The following CADPS variants were observed in gnomAD, a reference collection of about 807,000 sequenced individuals.
CADPS encodes calcium dependent secretion activator.
A neutral mutation model predicts 167.3 loss-of-function variants in CADPS; 57 were observed. The ratio of observed to expected loss-of-function variants is 0.34; its 90% confidence interval spans 0.28 to 0.42. The LOEUF is 0.42. Ranked by LOEUF, CADPS falls within the 20% of genes least tolerant of loss-of-function variation. The probability of loss-of-function intolerance (pLI) is 1.00; values close to 1 mark genes in which losing one functional copy is unlikely to be tolerated. For synonymous variants in CADPS, 676 were observed against 635.3 expected, an observed-to-expected ratio of 1.06 and a Z score of -0.96; for missense variants, 1,414 against 1,738.1, an observed-to-expected ratio of 0.81 and a Z score of 3.32.
At chr3:62,781,873 G>A (rs1044099768) in intron 1 of CADPS, among the ~76,000 whole-genome samples, 2 of 152,212 alleles carry the variant, frequency 1.3e-5, no homozygotes, top group Non-Finnish European at 2.9e-5. Context: ...ACCACAGCAG[G>A]CCTTACAGCC....
intron 28 of CADPS, 24 bp from the exon 29 acceptor site, chr3:62,403,209 C>A (rs1210793925): frequency 6.7e-7 from 1 of 1,491,336 alleles, no homozygotes; most frequent in Non-Finnish European, 9.4e-7. Context: ...CAAAAGTTCT[C>A]CAGCCAACAC....
At chr3:62,667,145 C>T (rs1490562799) in intron 3 of CADPS, among the ~76,000 whole-genome samples, 1 of 151,114 alleles carries the variant, frequency 6.6e-6, no homozygotes, top group Non-Finnish European at 1.5e-5. Context: ...AGATACCTAC[C>T]CTGGCATGTT....
At chr3:62,839,197 T>C (rs943798401) in intron 1 of CADPS, among the ~76,000 whole-genome samples, 4 of 151,888 alleles carry the variant, frequency 2.6e-5, no homozygotes, top group Admixed American at 2.6e-4. Context: ...AGGGACTATT[T>C]TGTTGTTGTT....
rs1393599682 is a variant in CADPS at position 62,573,444 on chromosome 3, A to C, written c.1578-2506T>G. Among the ~76,000 whole-genome samples, 7 of 152,296 alleles carry C rather than the reference A, an allele frequency of 4.6e-5. No individual in the cohort carries two copies. In the East Asian group the frequency reaches 1.3e-3, roughly 29 times the overall value. On this transcript the variant is annotated intron_variant, in intron 8 of 29. Transcript: ENST00000383710. ...TATCATTAAAACCATCTTGTGCACT[A>C]TCAGTGCCATGAATGCACTTGGGAA...
intron 26 of CADPS, among the ~76,000 whole-genome samples, chr3:62,448,757 G>A (rs913723334): frequency 6.6e-6 from 1 of 151,986 alleles, no homozygotes; most frequent in Admixed American, 6.6e-5. Flanking sequence ...GGGATTACAG[G>A]CACCCACCAC....
chr3:62,512,309 C>A (rs1448666074), intron 17 of CADPS, among the ~76,000 whole-genome samples: 1 of 152,078 alleles, frequency 6.6e-6, no homozygotes, highest in African/African-American at 2.4e-5. Context: ...GCGATACATA[C>A]AAGAACAACA....
At chr3:62,442,613 CT>C (rs769516633) in intron 27 of CADPS, among the ~76,000 whole-genome samples, 104 of 152,270 alleles carry the variant, frequency 6.8e-4, no homozygotes, top group Non-Finnish European at 1.4e-3. Flanking sequence ...CCCATCAAGG[CT>C]AATTTTGAGC....
intron 1 of CADPS, among the ~76,000 whole-genome samples, chr3:62,843,925 T>C (rs879465670): frequency 6.6e-6 from 1 of 152,056 alleles, no homozygotes; most frequent in Non-Finnish European, 1.5e-5. Context: ...TGTAAAAAGA[T>C]CAATACTTTA....
chr3:62,544,334 T>C lies in CADPS; in HGVS notation c.1966+5569A>G, dbSNP rs1312560317. ...TCTAGTCTTGCTCAGTTAACAACTCTGGGTTTCCTACCCCACTTATTTTTT... is the reference window on the plus strand; with the variant it reads ...TCTAGTCTTGCTCAGTTAACAACTCCGGGTTTCCTACCCCACTTATTTTTT... On this transcript the variant is annotated intron_variant, in intron 11 of 29. Transcript: ENST00000383710. This position sits in a 1 kb window ranked among gnomAD's most constrained non-coding sequence, Gnocchi z 4.4. 6.6e-6 allele frequency among the ~76,000 whole-genome samples: 1 copy of C among 152,178 alleles called. No individual in the cohort carries two copies. The highest frequency in any genetic ancestry group is 1.5e-5 in the Non-Finnish European group (1 of 68,018).
chr3:62,765,795 C>G (rs139304403), intron 2 of CADPS, 76 bp downstream of exon 2: 2 of 854,896 alleles, frequency 2.3e-6, no homozygotes, highest in African/African-American at 1.7e-5. Context: ...ACGACTGTCC[C>G]CATTGCCCTG....
chr3:62,861,432 T>G (rs2080784469), intron 1 of CADPS, among the ~76,000 whole-genome samples: 1 of 152,196 alleles, frequency 6.6e-6, no homozygotes, highest in Non-Finnish European at 1.5e-5. Flanking sequence ...GATCAACAAT[T>G]GCTGTAGGGA....
intron 3 of CADPS, among the ~76,000 whole-genome samples, chr3:62,721,075 C>T (rs370073968): frequency 1.4e-5 from 2 of 146,724 alleles, no homozygotes; most frequent in East Asian, 3.9e-4. Context: ...CCTTGGCCTC[C>T]CAAAGTGCTG....
chr3:62,709,622 G>A (rs1216597243), intron 3 of CADPS, among the ~76,000 whole-genome samples: 1 of 152,000 alleles, frequency 6.6e-6, no homozygotes, highest in Non-Finnish European at 1.5e-5. Flanking sequence ...GTTCCCTTAA[G>A]CAGATTCCTG....
chr3:62,512,615 A>T, intron 17 of CADPS, 136 bp downstream of exon 17: 1 of 546,308 alleles, frequency 1.8e-6, no homozygotes, highest in Non-Finnish European at 3.3e-6. Flanking sequence ...AGCACAAATT[A>T]ACTCCTTAAG....
intron 10 of CADPS, among the ~76,000 whole-genome samples, chr3:62,551,976 C>A (rs1040717821): frequency 6.6e-6 from 1 of 151,886 alleles, no homozygotes; most frequent in Non-Finnish European, 1.5e-5. Flanking sequence ...ATTTACTTTG[C>A]TTCATAAGTG....
At chr3:62,512,436 A>G (rs932384231) in intron 17 of CADPS, among the ~76,000 whole-genome samples, 1 of 152,180 alleles carries the variant, frequency 6.6e-6, no homozygotes, top group Non-Finnish European at 1.5e-5. Context: ...TCATTTGGTT[A>G]AACAACTTTT....
intron 3 of CADPS, among the ~76,000 whole-genome samples, chr3:62,682,482 C>T (rs554715398): frequency 1.3e-5 from 2 of 152,176 alleles, no homozygotes; most frequent in South Asian, 2.1e-4. Flanking sequence ...CTTCAGAAAT[C>T]ATCTGTGAAA....
At chr3:62,449,842 A>C (rs2057782866) in intron 26 of CADPS, among the ~76,000 whole-genome samples, 1 of 150,150 alleles carries the variant, frequency 6.7e-6, no homozygotes, top group Non-Finnish European at 1.5e-5. Flanking sequence ...TTCTTTTTTA[A>C]CTTTAAATCT....
intron 26 of CADPS, among the ~76,000 whole-genome samples, chr3:62,448,879 GC>G (rs2057628735): frequency 1.3e-5 from 2 of 152,154 alleles, no homozygotes; most frequent in Non-Finnish European, 2.9e-5. Flanking sequence ...CTCCCAAACT[GC>G]TGGGATTACA....
Sources: allele counts gnomAD v4.1 joint callset (sites outside exome capture counted in the v4.1 genomes callset), GRCh38; gene constraint gnomAD v4.1.1; non-coding constraint Gnocchi (gnomAD v3.1); transcripts MANE v1.5; gene names NCBI Gene and HGNC (gene_info 2026-07-23, HGNC 2026-07-21).